Variants in RASGEF1C observed in about 807,000 individuals in gnomAD.
RASGEF1C encodes ras-GEF domain-containing family member 1C.
A neutral mutation model predicts 58.1 loss-of-function variants in RASGEF1C; 27 were observed. The ratio of observed to expected loss-of-function variants is 0.46; its 90% confidence interval spans 0.34 to 0.64. RASGEF1C has a LOEUF of 0.64. Ranked by LOEUF, RASGEF1C falls within the 30% of genes least tolerant of loss-of-function variation. The pLI is 0.01. For synonymous variants in RASGEF1C, 243 were observed against 246.3 expected, an observed-to-expected ratio of 0.99 and a Z score of 0.13; for missense variants, 502 against 605.1, an observed-to-expected ratio of 0.83 and a Z score of 1.79.
At position 180,177,270 on chromosome 5, in the gene RASGEF1C, C is replaced by T. The variant is rs1330331840; in HGVS notation, c.-7+31758G>A. On this transcript the variant is annotated intron_variant, in intron 1 of 13. Coordinates refer to ENST00000361132, the MANE Select transcript of RASGEF1C (RefSeq NM_175062.4). This position sits in a 1 kb window ranked among gnomAD's most constrained non-coding sequence, Gnocchi z 5.0. Reference sequence around the variant, plus strand: ...GCCCCGAAGCCAGGGGCTGCTTTCCCTTTCCGGCCCCACCTCCCCACCCAG... The same window carrying T: ...GCCCCGAAGCCAGGGGCTGCTTTCCTTTTCCGGCCCCACCTCCCCACCCAG... 2.6e-5 allele frequency among the ~76,000 whole-genome samples: 4 copies of T among 152,230 alleles called. No homozygotes were observed. The highest frequency in any genetic ancestry group is 9.6e-5 in the African/African-American group (4 of 41,470).
intron 1 of RASGEF1C, among the ~76,000 whole-genome samples, chr5:180,194,364 C>A (rs1166686215): frequency 3.9e-5 from 6 of 152,216 alleles, no homozygotes; most frequent in African/African-American, 1.4e-4. Context: ...ACGCTTTCCC[C>A]GGCAAACATT....
At chr5:180,185,768 A>G (rs1490758204) in intron 1 of RASGEF1C, among the ~76,000 whole-genome samples, 3 of 152,144 alleles carry the variant, frequency 2.0e-5, no homozygotes, top group Non-Finnish European at 4.4e-5. Flanking sequence ...ATATCTATCA[A>G]AGAAATTTCA....
intron 1 of RASGEF1C, among the ~76,000 whole-genome samples, chr5:180,178,673 C>A (rs570873550): frequency 1.5e-3 from 224 of 152,256 alleles, no homozygotes; most frequent in African/African-American, 5.3e-3. Flanking sequence ...GAACCTAACA[C>A]CCCAGCTCTG....
At chr5:180,151,605 C>T (rs1443302621) in intron 1 of RASGEF1C, among the ~76,000 whole-genome samples, 11 of 151,748 alleles carry the variant, frequency 7.2e-5, no homozygotes, top group Admixed American at 2.6e-4. Flanking sequence ...GACCTAAAAC[C>T]ATAAAAACCC....
At chr5:180,132,632 C>G (rs1766390348) in intron 4 of RASGEF1C, among the ~76,000 whole-genome samples, 1 of 152,228 alleles carries the variant, frequency 6.6e-6, no homozygotes, top group African/African-American at 2.4e-5. Flanking sequence ...GGGAGCCTCA[C>G]AGGGCAGTGG....
At chr5:180,134,627 A>C (rs558025245) in intron 4 of RASGEF1C, among the ~76,000 whole-genome samples, 4 of 142,630 alleles carry the variant, frequency 2.8e-5, no homozygotes, top group East Asian at 2.2e-4. Flanking sequence ...CCATCAGTTC[A>C]CTCCTCTCCC....
At chr5:180,194,473 C>G (rs1756229488) in intron 1 of RASGEF1C, among the ~76,000 whole-genome samples, 2 of 152,252 alleles carry the variant, frequency 1.3e-5, no homozygotes, top group African/African-American at 4.8e-5. Context: ...GCGCAAACTG[C>G]AGAGGCCACG....
At chr5:180,181,972 G>A (rs1381534097) in intron 1 of RASGEF1C, among the ~76,000 whole-genome samples, 4 of 151,858 alleles carry the variant, frequency 2.6e-5, no homozygotes, top group Non-Finnish European at 2.9e-5. Context: ...GGGAGGCCGA[G>A]ACGGGCGGAT....
At chr5:180,130,473 C>T (rs1161987254) in intron 4 of RASGEF1C, among the ~76,000 whole-genome samples, 3 of 152,214 alleles carry the variant, frequency 2.0e-5, no homozygotes, top group African/African-American at 7.2e-5. Flanking sequence ...GACCTCCTGT[C>T]TCTCTCCCAG....
At chr5:180,154,022 T>C (rs916374217) in intron 1 of RASGEF1C, among the ~76,000 whole-genome samples, 1 of 152,044 alleles carries the variant, frequency 6.6e-6, no homozygotes, top group Non-Finnish European at 1.5e-5. Flanking sequence ...TCTTATTCCT[T>C]CTCCTGCCAT....
At chr5:180,153,530 T>C (rs1253388022) in intron 1 of RASGEF1C, among the ~76,000 whole-genome samples, 4 of 152,214 alleles carry the variant, frequency 2.6e-5, no homozygotes, top group African/African-American at 9.6e-5. Context: ...GTCATCTACA[T>C]GGAGAGATGG....
At chr5:180,136,536 C>A in intron 3 of RASGEF1C, 21 bp from the exon 4 acceptor site, 1 of 1,563,924 alleles carries the variant, frequency 6.4e-7, no homozygotes. Context: ...GCGAGGGGCA[C>A]CGCGCTCGTG....
chr5:180,118,577 AG>A, intron 10 of RASGEF1C, 31 bp downstream of exon 10: 1 of 1,562,274 alleles, frequency 6.4e-7, no homozygotes, highest in Non-Finnish European at 8.7e-7. Flanking sequence ...TCCCTGCTGC[AG>A]CCCCCCTGGG....
At chr5:180,185,810 A>T (rs1232138972) in intron 1 of RASGEF1C, among the ~76,000 whole-genome samples, 2 of 152,116 alleles carry the variant, frequency 1.3e-5, no homozygotes, top group African/African-American at 4.8e-5. Context: ...ATAAGGAACA[A>T]GACAAAGCCA....
chr5:180,128,525 C>T lies in RASGEF1C; in HGVS notation c.524G>A (p.Gly175Asp), dbSNP rs764880344. 8.7e-6 allele frequency: 14 copies of T among 1,613,990 alleles called. No individual in the cohort carries two copies. Among genetic ancestry groups the T allele is most frequent in the South Asian group, 5.5e-5 (5 of 91,086 alleles). ...ALRQGPEGLVGADKPISYRTK... is the reference protein window; with the variant it reads ...ALRQGPEGLVDADKPISYRTK... Reference sequence around the variant, plus strand: ...CCTGTAGGAGATGGGCTTGTCGGCACCCACCAGACCTTCTGGCCCCTGGCG... The same window carrying T: ...CCTGTAGGAGATGGGCTTGTCGGCATCCACCAGACCTTCTGGCCCCTGGCG... The change falls in exon 5 of 14, where the codon GGT becomes GAT. Residue 175 changes from glycine to aspartate, a missense_variant. By Grantham distance (94) the Gly-to-Asp change is moderately conservative. Coordinates refer to ENST00000361132, the MANE Select transcript of RASGEF1C (RefSeq NM_175062.4).
chr5:180,207,106 C>G (rs982496134), intron 1 of RASGEF1C, among the ~76,000 whole-genome samples: 9 of 152,220 alleles, frequency 5.9e-5, no homozygotes, highest in Non-Finnish European at 1.3e-4. Flanking sequence ...ACGAAGCTAA[C>G]AGTGTGTCCG....
intron 1 of RASGEF1C, among the ~76,000 whole-genome samples, chr5:180,149,078 CTTTTTTTTTCTTTTTTT>C (rs1375138433): frequency 1.0e-5 from 1 of 97,154 alleles, no homozygotes; most frequent in Non-Finnish European, 2.0e-5. Context: ...TTTTTCTTTT[CTTTTTTTTTCTTTTTTT>C]TTTTTTTTTT....
intron 1 of RASGEF1C, among the ~76,000 whole-genome samples, chr5:180,145,681 C>T (rs754404248): frequency 6.6e-6 from 1 of 152,068 alleles, no homozygotes; most frequent in Non-Finnish European, 1.5e-5. Context: ...AAATTTAATT[C>T]ATAGAATTGG....
Position 180,198,017 on chromosome 5 carries a change from G to A in RASGEF1C, c.-7+11011C>T, listed in dbSNP as rs986794607. Among the ~76,000 whole-genome samples the A allele has an allele frequency of 9.9e-5, 15 of 152,216 alleles. No homozygotes were observed. Among genetic ancestry groups the A allele is most frequent in the African/African-American group, 2.4e-4 (10 of 41,456 alleles). On this transcript the variant is annotated intron_variant, in intron 1 of 13. Coordinates refer to ENST00000361132, the MANE Select transcript of RASGEF1C (RefSeq NM_175062.4). This position sits in a 1 kb window ranked among gnomAD's most constrained non-coding sequence, Gnocchi z 4.5. ...TGGCAACAGCGGTGCCTGAGTTAGC[G>A]TATTCCAAATTCATAAACCAAGGTG...
Sources: allele counts gnomAD v4.1 joint callset (sites outside exome capture counted in the v4.1 genomes callset), GRCh38; gene constraint gnomAD v4.1.1; non-coding constraint Gnocchi (gnomAD v3.1); transcripts MANE v1.5; gene names NCBI Gene and HGNC (gene_info 2026-07-23, HGNC 2026-07-21).